Variants in ARID1B observed in about 807,000 individuals in gnomAD.
ARID1B encodes AT-rich interaction domain 1B, also known as AT-rich interactive domain-containing protein 1B.
In ARID1B, 30 loss-of-function variants were observed where a neutral mutation model predicts 212.3. That is an observed-to-expected ratio of 0.14 (90% CI 0.11 to 0.19). ARID1B has a LOEUF of 0.19. Among genes scored for constraint, ARID1B ranks in the 10% least tolerant of loss-of-function variants. ARID1B has a pLI of 1.00. For synonymous variants in ARID1B, 1,402 were observed against 1,301.7 expected (o/e 1.08, Z -1.66); for missense variants, 2,891 against 3,204.0 (o/e 0.90, Z 2.36).
intron 4 of ARID1B, among the ~76,000 whole-genome samples, chr6:157,029,715 G>A (rs1241809993): frequency 6.6e-6 from 1 of 152,220 alleles, no homozygotes; most frequent in Non-Finnish European, 1.5e-5. Flanking sequence ...TGGCCATTTG[G>A]AGGAACAGAA....
In ARID1B at chr6:156,912,882, A is replaced by G. The variant is rs537026378; in HGVS notation, c.2136+11357A>G. ...TTTCTCCCACCCCAAACAAAACAAA[A>G]CAAAAACGCCTTTCTTGACCGAAAC... On this transcript the variant is annotated intron_variant, in intron 3 of 19. Coordinates refer to ENST00000636930, the MANE Select transcript of ARID1B (RefSeq NM_001374828.1). Among the ~76,000 whole-genome samples the G allele has an allele frequency of 3.9e-5, 6 of 152,252 alleles. No individual in the cohort carries two copies. The East Asian group carries it at 1.2e-3, about 29-fold the overall frequency.
In ARID1B at chr6:157,039,322, C is replaced by CTTTTTTTTTTTTTTTTTTTTT. The variant is rs1003131791; in HGVS notation, c.2248-45321_2248-45320insTTTTTTTTTTTTTTTTTTTTT. 1.7e-3 allele frequency among the ~76,000 whole-genome samples: 171 copies of CTTTTTTTTTTTTTTTTTTTTT among 102,942 alleles called. 24 individuals are homozygous for CTTTTTTTTTTTTTTTTTTTTT. Among genetic ancestry groups the CTTTTTTTTTTTTTTTTTTTTT allele is most frequent in the Non-Finnish European group, 2.4e-3 (121 of 50,928 alleles). 67.5% of individuals were successfully genotyped at this position (102,942 alleles called of 152,430 possible). A position where few individuals can be genotyped will look rare whatever the true frequency, so the allele number is the denominator to read the frequency against. On this transcript the variant is annotated intron_variant, in intron 4 of 19. Transcript: ENST00000636930. ...ATTAAAAATGGGAAATTTGACATTT[C>CTTTTTTTTTTTTTTTTTTTTT]TTTTTTTTTTTTTTTTTTTGAGACG...
chr6:157,063,693 T>G (rs1425230472), intron 4 of ARID1B, among the ~76,000 whole-genome samples: 1 of 152,242 alleles, frequency 6.6e-6, no homozygotes, highest in African/African-American at 2.4e-5. Flanking sequence ...TTTATTGTTA[T>G]GTATGGAATG....
chr6:157,061,189 TATC>T (rs1783320253), intron 4 of ARID1B, among the ~76,000 whole-genome samples: 1 of 152,254 alleles, frequency 6.6e-6, no homozygotes, highest in Non-Finnish European at 1.5e-5. Flanking sequence ...TTATACATTT[TATC>T]ATATATTTAT....
At chr6:156,868,590 G>T (rs1472162814) in intron 2 of ARID1B, among the ~76,000 whole-genome samples, 1 of 152,198 alleles carries the variant, frequency 6.6e-6, no homozygotes, top group African/African-American at 2.4e-5. Context: ...GTGGAAGGGG[G>T]TGGCCAGCTG....
chr6:156,971,495 C>T (rs1776922252), intron 4 of ARID1B, among the ~76,000 whole-genome samples: 1 of 152,100 alleles, frequency 6.6e-6, no homozygotes, highest in Non-Finnish European at 1.5e-5. Flanking sequence ...TGTGGATGGG[C>T]TTGGGAGTGT....
At chr6:156,937,796 A>G (rs975149550) in intron 4 of ARID1B, 1 of 152,030 alleles carries the variant, frequency 6.6e-6, no homozygotes, top group African/African-American at 2.4e-5. Flanking sequence ...TATAACAGCT[A>G]TCTTCCTTAA....
At chr6:157,093,508 G>T (rs1178454727) in intron 5 of ARID1B, among the ~76,000 whole-genome samples, 1 of 152,222 alleles carries the variant, frequency 6.6e-6, no homozygotes, top group African/African-American at 2.4e-5. Context: ...ATGAAGAACA[G>T]AATTGGTTTC....
intron 5 of ARID1B, among the ~76,000 whole-genome samples, chr6:157,104,134 C>T (rs1486202289): frequency 6.6e-6 from 1 of 152,136 alleles, no homozygotes; most frequent in Non-Finnish European, 1.5e-5. Context: ...CACGCCCGGC[C>T]TAACAACTCT....
chr6:157,051,715 A>T (rs1296463951), intron 4 of ARID1B, among the ~76,000 whole-genome samples: 2 of 152,230 alleles, frequency 1.3e-5, no homozygotes, highest in African/African-American at 4.8e-5. Context: ...ATGTAAAAAT[A>T]TAATTAGAGA....
In ARID1B at chr6:157,132,187, GGAA is replaced by G. The variant is rs142239884; in HGVS notation, c.2582-836_2582-834del. The stretch of plus-strand genomic sequence containing the variant: ...CTGGCTTTGGTAGAAGTAGAAATAA[GGAA>G]GAAGTACCATGCACGATCTATGTCG... On this transcript the variant is annotated intron_variant, in intron 6 of 19. Transcript: ENST00000636930. 1.6e-4 allele frequency among the ~76,000 whole-genome samples: 24 copies of G among 152,310 alleles called. No individual in the cohort carries two copies. In the East Asian group the frequency reaches 4.2e-3, roughly 27 times the overall value.
chr6:157,039,709 TCTTTCCTTC>T lies in ARID1B; in HGVS notation c.2248-44947_2248-44939del, dbSNP rs1165477278. 1.2e-3 allele frequency among the ~76,000 whole-genome samples: 141 copies of T among 115,416 alleles called. 3 individuals are homozygous for T. Among genetic ancestry groups the T allele is most frequent in the Non-Finnish European group, 1.9e-3 (106 of 56,662 alleles). 75.7% of individuals were successfully genotyped at this position (115,416 alleles called of 152,430 possible). A position where few individuals can be genotyped will look rare whatever the true frequency, so the allele number is the denominator to read the frequency against. ...TCCTTCCTTCCTTCTTTCTTTCCTT[TCTTTCCTTC>T]CTTTCTTTCTTTCCCTCCCTCCCTC... On this transcript the variant is annotated intron_variant, in intron 4 of 19. Coordinates refer to ENST00000636930, the MANE Select transcript of ARID1B (RefSeq NM_001374828.1).
chr6:157,056,215 A>T (rs1782944972), intron 4 of ARID1B, among the ~76,000 whole-genome samples: 1 of 152,188 alleles, frequency 6.6e-6, no homozygotes, highest in South Asian at 2.1e-4. Context: ...GAACCATCTT[A>T]AAAATCTGCC....
chr6:156,985,912 A>G (rs553978629), intron 4 of ARID1B, among the ~76,000 whole-genome samples: 42 of 152,328 alleles, frequency 2.8e-4, no homozygotes, highest in African/African-American at 8.9e-4. Flanking sequence ...GATGGGAATT[A>G]AAAGCAAAGC....
intron 5 of ARID1B, among the ~76,000 whole-genome samples, chr6:157,088,192 C>T (rs1285618702): frequency 2.0e-5 from 3 of 152,178 alleles, no homozygotes; most frequent in Non-Finnish European, 2.9e-5. Context: ...TGGGAGTTGA[C>T]ATCTACCTGC....
chr6:157,121,212 C>T (rs1787686675), intron 6 of ARID1B, among the ~76,000 whole-genome samples: 1 of 152,156 alleles, frequency 6.6e-6, no homozygotes, highest in Non-Finnish European at 1.5e-5. Flanking sequence ...ACCCTTCAAA[C>T]TTAGAGATAT....
At chr6:157,029,465 C>G (rs1780892473) in intron 4 of ARID1B, among the ~76,000 whole-genome samples, 1 of 152,186 alleles carries the variant, frequency 6.6e-6, no homozygotes, top group South Asian at 2.1e-4. Flanking sequence ...TGGCACTCTT[C>G]CAGGTAAGAG....
intron 1 of ARID1B, among the ~76,000 whole-genome samples, chr6:156,815,046 T>TA (rs1781865863): frequency 6.6e-6 from 1 of 152,212 alleles, no homozygotes; most frequent in East Asian, 1.9e-4. Flanking sequence ...ACTGCGTGCT[T>TA]ACGTGTTTTG....
intron 4 of ARID1B, among the ~76,000 whole-genome samples, chr6:156,983,644 C>T (rs1211913673): frequency 6.6e-6 from 1 of 152,044 alleles, no homozygotes; most frequent in Non-Finnish European, 1.5e-5. Flanking sequence ...CGGGGCTGGG[C>T]TGAGGGGCTT....
Sources: allele counts gnomAD v4.1 joint callset (sites outside exome capture counted in the v4.1 genomes callset), GRCh38; gene constraint gnomAD v4.1.1; transcripts MANE v1.5; gene names NCBI Gene and HGNC (gene_info 2026-07-23, HGNC 2026-07-21).